Variants in CENPP observed in about 807,000 individuals in gnomAD.
The protein encoded by CENPP is centromere protein P.
Under a neutral mutation model 35.6 loss-of-function variants are expected in CENPP, and 24 were observed. That is an observed-to-expected ratio of 0.67 (90% CI 0.49 to 0.95). CENPP has a LOEUF of 0.95. Ranked by LOEUF, CENPP falls within the 40% of genes least tolerant of loss-of-function variation. CENPP has a pLI of 0.00. For missense variants in CENPP, 332 were observed against 345.3 expected (o/e 0.96, Z 0.31); for synonymous variants, 120 against 125.5 (o/e 0.96, Z 0.29).
intron 5 of CENPP, chr9:92,502,428 TC>T: frequency 6.6e-7 from 1 of 1,506,256 alleles, no homozygotes; most frequent in Non-Finnish European, 9.1e-7. Context: ...CCCTCACTTA[TC>T]CCATTCCCAG....
rs181974470 is a variant in CENPP, at chr9:92,513,022, G to A, written c.565-98292G>A. 4.7e-4 allele frequency among the ~76,000 whole-genome samples: 72 copies of A among 152,322 alleles called. No individual in the cohort carries two copies. The East Asian group carries it at 0.013, about 28-fold the overall frequency. On this transcript the variant is annotated intron_variant, in intron 5 of 7. Coordinates refer to ENST00000375587, the MANE Select transcript of CENPP (RefSeq NM_001012267.3). Reference sequence around the variant, plus strand: ...TTCTATTATGTTTGACACTGGCAGTGTGCTGTCACAGATGGCCATCTCTGC... The same window carrying A: ...TTCTATTATGTTTGACACTGGCAGTATGCTGTCACAGATGGCCATCTCTGC...
At chr9:92,370,766 G>A (rs1029369814) in intron 4 of CENPP, among the ~76,000 whole-genome samples, 3 of 152,198 alleles carry the variant, frequency 2.0e-5, no homozygotes, top group Non-Finnish European at 2.9e-5. Context: ...ACAGGCGTGA[G>A]CCACCACACC....
intron 5 of CENPP, among the ~76,000 whole-genome samples, chr9:92,442,009 C>T (rs1844403584): frequency 6.6e-6 from 1 of 151,948 alleles, no homozygotes; most frequent in Admixed American, 6.6e-5. Flanking sequence ...TAACCCCTAC[C>T]CCAAAATTTG....
intron 5 of CENPP, among the ~76,000 whole-genome samples, chr9:92,594,034 T>C (rs1167623235): frequency 6.6e-6 from 1 of 152,172 alleles, no homozygotes; most frequent in Admixed American, 6.5e-5. Flanking sequence ...TCTTGGTTCA[T>C]TAATTATAAC....
chr9:92,584,283 A>T (rs773926773), intron 5 of CENPP, among the ~76,000 whole-genome samples: 27 of 152,190 alleles, frequency 1.8e-4, no homozygotes, highest in Non-Finnish European at 3.7e-4. Flanking sequence ...GGTCTTGCCT[A>T]AGTATGTGTT....
At chr9:92,332,146 T>C (rs371270268) in intron 1 of CENPP, 24 bp from the exon 2 acceptor site, 6 of 1,526,388 alleles carry the variant, frequency 3.9e-6, no homozygotes, top group African/African-American at 2.8e-5. Flanking sequence ...ATTGGAGTGA[T>C]TATTTTTGAT....
At chr9:92,457,752 C>G (rs1564330842) in intron 5 of CENPP, among the ~76,000 whole-genome samples, 1 of 152,074 alleles carries the variant, frequency 6.6e-6, no homozygotes, top group Non-Finnish European at 1.5e-5. Flanking sequence ...GTCGCTGTCT[C>G]TCTCTCTCTC....
At chr9:92,578,408 TC>T (rs1454192526) in intron 5 of CENPP, among the ~76,000 whole-genome samples, 2 of 152,148 alleles carry the variant, frequency 1.3e-5, no homozygotes, top group African/African-American at 4.8e-5. Flanking sequence ...TAGTTTACAG[TC>T]CCACCAACAG....
intron 5 of CENPP, among the ~76,000 whole-genome samples, chr9:92,388,181 C>T (rs1377556307): frequency 6.6e-6 from 1 of 150,744 alleles, no homozygotes; most frequent in African/African-American, 2.4e-5. Flanking sequence ...TTTTTGGAGA[C>T]TGAATCTTGC....
At chr9:92,533,328 A>AAAAAAAAAAAATATATAT (rs1554683138) in intron 5 of CENPP, among the ~76,000 whole-genome samples, 4 of 38,338 alleles carry the variant, frequency 1.0e-4, no homozygotes, top group Non-Finnish European at 8.5e-5. Flanking sequence ...AAAAAAAAAA[A>AAAAAAAAAAAATATATAT]ATATATATAT....
At chr9:92,595,062 A>T (rs1314632865) in intron 5 of CENPP, among the ~76,000 whole-genome samples, 2 of 151,846 alleles carry the variant, frequency 1.3e-5, no homozygotes, top group Non-Finnish European at 2.9e-5. Flanking sequence ...AAGCGCAGCT[A>T]ATTTTTTGTA....
At chr9:92,376,914 G>T (rs1283503189) in intron 4 of CENPP, among the ~76,000 whole-genome samples, 2 of 151,800 alleles carry the variant, frequency 1.3e-5, no homozygotes, top group Admixed American at 1.3e-4. Flanking sequence ...GCATCATGGC[G>T]CACGCCTGTA....
intron 5 of CENPP, among the ~76,000 whole-genome samples, chr9:92,389,465 A>T (rs1842577565): frequency 6.6e-6 from 1 of 152,060 alleles, no homozygotes; most frequent in African/African-American, 2.4e-5. Context: ...TTGGATCTTT[A>T]TTTTTTTCTG....
intron 5 of CENPP, among the ~76,000 whole-genome samples, chr9:92,462,892 C>T (rs574449277): frequency 5.3e-5 from 8 of 152,274 alleles, no homozygotes; most frequent in Admixed American, 2.0e-4. Context: ...GCTGGTGCAA[C>T]GTGCCAGCGA....
chr9:92,345,672 A>C (rs1456875561), intron 3 of CENPP, 27 bp from the exon 4 acceptor site: 2 of 1,303,038 alleles, frequency 1.5e-6, no homozygotes, highest in African/African-American at 2.9e-5. Context: ...CTGTGCTTTG[A>C]TACAGAAATT....
intron 5 of CENPP, among the ~76,000 whole-genome samples, chr9:92,457,926 C>T (rs1319769449): frequency 6.6e-6 from 1 of 152,042 alleles, no homozygotes; most frequent in Non-Finnish European, 1.5e-5. Flanking sequence ...GCATTTAAAA[C>T]ATTAGAAATG....
At chr9:92,461,673 G>A (rs896656077) in intron 5 of CENPP, among the ~76,000 whole-genome samples, 1 of 152,176 alleles carries the variant, frequency 6.6e-6, no homozygotes, top group African/African-American at 2.4e-5. Context: ...ATTCATGCAC[G>A]ATTGTTGCCT....
At chr9:92,492,590 G>A (rs991932274) in intron 5 of CENPP, among the ~76,000 whole-genome samples, 1 of 152,144 alleles carries the variant, frequency 6.6e-6, no homozygotes, top group South Asian at 2.1e-4. Flanking sequence ...AGGTGGTTTT[G>A]AGTATCTTTC....
chr9:92,612,448 G>C (rs1851288774), intron 6 of CENPP, 75 bp from the exon 7 acceptor site: 1 of 1,155,394 alleles, frequency 8.7e-7, no homozygotes, highest in East Asian at 2.3e-5. Flanking sequence ...ATGGAGACCA[G>C]GTGCGACTCA....
Sources: gnomAD v4.1 joint callset for allele counts (sites outside exome capture counted in the v4.1 genomes callset) on GRCh38, gnomAD v4.1.1 for gene constraint, MANE v1.5 for transcripts, NCBI Gene and HGNC (gene_info 2026-07-23, HGNC 2026-07-21) for gene names.